The following PAN3 variants were observed in gnomAD, a reference collection of about 807,000 sequenced individuals.
PAN3 encodes poly(A) specific ribonuclease subunit PAN3.
Under a neutral mutation model 96.2 loss-of-function variants are expected in PAN3, and 19 were observed. The observed-to-expected ratio is 0.20, with a 90% CI of 0.14 to 0.29. PAN3 has a LOEUF of 0.29. Among genes scored for constraint, PAN3 ranks in the 10% least tolerant of loss-of-function variants. The pLI is 1.00. For synonymous variants in PAN3, 433 were observed against 406.6 expected, an observed-to-expected ratio of 1.06 and a Z score of -0.78; for missense variants, 882 against 1,108.1, an observed-to-expected ratio of 0.80 and a Z score of 2.90.
chr13:28,204,429 C>T (rs1382305859), intron 5 of PAN3, among the ~76,000 whole-genome samples: 3 of 152,168 alleles, frequency 2.0e-5, no homozygotes, highest in Non-Finnish European at 4.4e-5. Context: ...TTTCCAAGCA[C>T]ATAATAGATA....
intron 6 of PAN3, among the ~76,000 whole-genome samples, chr13:28,222,799 TG>T (rs1351315333): frequency 1.3e-5 from 2 of 152,180 alleles, no homozygotes; most frequent in African/African-American, 4.8e-5. Context: ...TGTAACTCAT[TG>T]ATTTTAGTTA....
At chr13:28,265,132 T>C (rs962558281) in intron 9 of PAN3, among the ~76,000 whole-genome samples, 1 of 152,272 alleles carries the variant, frequency 6.6e-6, no homozygotes, top group African/African-American at 2.4e-5. Context: ...AACTTCCTTA[T>C]GGACATTATA....
intron 1 of PAN3, among the ~76,000 whole-genome samples, chr13:28,146,767 A>G (rs891036120): frequency 1.3e-5 from 2 of 152,140 alleles, no homozygotes; most frequent in African/African-American, 2.4e-5. Context: ...CATGAGGTCA[A>G]GAGATACAGA....
intron 2 of PAN3, among the ~76,000 whole-genome samples, chr13:28,175,922 C>T (rs1013809542): frequency 6.6e-6 from 1 of 152,048 alleles, no homozygotes; most frequent in Non-Finnish European, 1.5e-5. Flanking sequence ...AAATTCTTAA[C>T]TTATAATTTT....
At chr13:28,245,418 G>A (rs1404411911) in intron 6 of PAN3, among the ~76,000 whole-genome samples, 1 of 144,346 alleles carries the variant, frequency 6.9e-6, no homozygotes, top group African/African-American at 2.6e-5. Context: ...GTATTTCATT[G>A]TCCCCCCAAC....
At chr13:28,240,773 G>C (rs1883582995) in intron 6 of PAN3, among the ~76,000 whole-genome samples, 1 of 152,172 alleles carries the variant, frequency 6.6e-6, no homozygotes, top group African/African-American at 2.4e-5. Context: ...TTGAAAAAAT[G>C]AAATTATTTT....
intron 5 of PAN3, among the ~76,000 whole-genome samples, chr13:28,200,511 T>C (rs1393501124): frequency 6.6e-6 from 1 of 152,212 alleles, no homozygotes; most frequent in Non-Finnish European, 1.5e-5. Flanking sequence ...ATACTGCATT[T>C]ATTCTCTTCA....
intron 5 of PAN3, chr13:28,214,465 A>G (rs943502230): frequency 6.3e-5 from 14 of 223,420 alleles, no homozygotes; most frequent in Admixed American, 6.0e-4. Flanking sequence ...CTTTTTTGCA[A>G]CGAGTTTGCC....
chr13:28,178,883 G>T (rs752603863), intron 4 of PAN3, among the ~76,000 whole-genome samples: 1 of 152,002 alleles, frequency 6.6e-6, no homozygotes, highest in Non-Finnish European at 1.5e-5. Context: ...CCCCAAACTC[G>T]TTGAGTTGTA....
At chr13:28,166,042 G>C (rs1246356333) in intron 1 of PAN3, among the ~76,000 whole-genome samples, 2 of 152,148 alleles carry the variant, frequency 1.3e-5, no homozygotes, top group African/African-American at 2.4e-5. Context: ...TTAAATCCTT[G>C]TCTTTGTCAC....
At chr13:28,141,202 G>C (rs1193869870) in intron 1 of PAN3, among the ~76,000 whole-genome samples, 2 of 150,902 alleles carry the variant, frequency 1.3e-5, no homozygotes, top group Non-Finnish European at 3.0e-5. Flanking sequence ...ACGGGGTTTC[G>C]CCATGTTGGC....
At chr13:28,197,716 C>T (rs1402639247) in intron 5 of PAN3, among the ~76,000 whole-genome samples, 2 of 151,894 alleles carry the variant, frequency 1.3e-5, no homozygotes, top group African/African-American at 4.8e-5. Context: ...ACTGCAGGTG[C>T]ACACCACCAT....
intron 9 of PAN3, among the ~76,000 whole-genome samples, chr13:28,266,076 T>G (rs551943678): frequency 1.3e-5 from 2 of 152,198 alleles, no homozygotes; most frequent in African/African-American, 4.8e-5. Context: ...TGCCATGTTT[T>G]AAAAATAGTG....
At chr13:28,255,164 G>GGT (rs1240824409) in intron 6 of PAN3, among the ~76,000 whole-genome samples, 3 of 152,050 alleles carry the variant, frequency 2.0e-5, no homozygotes, top group Non-Finnish European at 4.4e-5. Flanking sequence ...TATATTGTGA[G>GGT]GTGGCATATT....
At chr13:28,280,883 A>G (rs1178375961) in intron 16 of PAN3, among the ~76,000 whole-genome samples, 1 of 152,214 alleles carries the variant, frequency 6.6e-6, no homozygotes, top group African/African-American at 2.4e-5. Context: ...AATTAAAAGA[A>G]TGTACACACA....
intron 1 of PAN3, among the ~76,000 whole-genome samples, chr13:28,153,482 C>CT (rs1871679052): frequency 6.6e-6 from 1 of 151,862 alleles, no homozygotes. Context: ...TGTTGTCCTC[C>CT]TGCCTTGGCC....
At chr13:28,291,899 A>G (rs1242173056) in intron 18 of PAN3, among the ~76,000 whole-genome samples, 1 of 152,146 alleles carries the variant, frequency 6.6e-6, no homozygotes, top group African/African-American at 2.4e-5. Context: ...ATTTGGTTCT[A>G]TGTACTAAGC....
chr13:28,145,528 T>C (rs1354885510), intron 1 of PAN3, among the ~76,000 whole-genome samples: 1 of 152,162 alleles, frequency 6.6e-6, no homozygotes, highest in East Asian at 1.9e-4. Context: ...GGTTTCACCA[T>C]GTTGGCCAGG....
chr13:28,155,171 G>A (rs1016172954), intron 1 of PAN3, among the ~76,000 whole-genome samples: 1 of 151,980 alleles, frequency 6.6e-6, no homozygotes, highest in Non-Finnish European at 1.5e-5. Context: ...TGATACCTCT[G>A]CAGGTAACTC....
Sources: allele counts gnomAD v4.1 joint callset (sites outside exome capture counted in the v4.1 genomes callset), GRCh38; gene constraint gnomAD v4.1.1; transcripts MANE v1.5; gene names NCBI Gene and HGNC (gene_info 2026-07-23, HGNC 2026-07-21).